LMBRD1: variants seen among roughly 807,000 people sequenced by gnomAD.
LMBRD1 encodes the protein LMBR1 domain containing 1.
In LMBRD1, 64 loss-of-function variants were observed where a neutral mutation model predicts 74.8. That is an observed-to-expected ratio of 0.86 (90% CI 0.70 to 1.05). The LOEUF is 1.05. Ranked by LOEUF, LMBRD1 falls within the 50% of genes least tolerant of loss-of-function variation. LMBRD1 has a pLI of 0.00. For missense variants in LMBRD1, 652 were observed against 645.9 expected (o/e 1.01, Z -0.10); for synonymous variants, 204 against 216.3 (o/e 0.94, Z 0.50).
intron 3 of LMBRD1, among the ~76,000 whole-genome samples, chr6:69,768,555 C>G (rs1479199742): frequency 2.0e-5 from 3 of 151,820 alleles, no homozygotes; most frequent in Non-Finnish European, 4.4e-5. Context: ...AACCCTAAAC[C>G]CAACATTTAC....
chr6:69,717,328 CT>C (rs1366913731), intron 8 of LMBRD1, among the ~76,000 whole-genome samples: 2 of 152,034 alleles, frequency 1.3e-5, no homozygotes, highest in Admixed American at 1.3e-4. Context: ...TAAATTATTT[CT>C]TATCTGACTC....
chr6:69,759,480 A>AC (rs397821581), intron 3 of LMBRD1, among the ~76,000 whole-genome samples: 2 of 151,736 alleles, frequency 1.3e-5, no homozygotes, highest in Non-Finnish European at 2.9e-5. Flanking sequence ...CCAAAAAAAA[A>AC]CCACCAAGAT....
intron 3 of LMBRD1, among the ~76,000 whole-genome samples, chr6:69,755,199 G>A (rs778381857): frequency 1.3e-5 from 2 of 152,138 alleles, no homozygotes; most frequent in Non-Finnish European, 2.9e-5. Flanking sequence ...ATCAATGATA[G>A]ACTGGATAAA....
chr6:69,723,877 T>C (rs982964555), intron 7 of LMBRD1, among the ~76,000 whole-genome samples: 11 of 151,800 alleles, frequency 7.2e-5, no homozygotes. Context: ...AAACAAAAAG[T>C]TGGTTTTTTA....
intron 14 of LMBRD1, among the ~76,000 whole-genome samples, chr6:69,686,126 A>G (rs986486999): frequency 9.2e-5 from 14 of 152,200 alleles, no homozygotes; most frequent in African/African-American, 3.4e-4. Flanking sequence ...AGTATAGTCC[A>G]AAGTCTTTAT....
At position 69,737,651 on chromosome 6, in the gene LMBRD1, A is replaced by G. The variant is rs1370493971; in HGVS notation, c.636+291T>C. On this transcript the variant is annotated intron_variant, in intron 7 of 15. Transcript: ENST00000649934. ...AGGCATATAGATTTATAAGCATATCAGGTATTATAAATCTATTATATAGAT... is the reference window on the plus strand; with the variant it reads ...AGGCATATAGATTTATAAGCATATCGGGTATTATAAATCTATTATATAGAT... Among the ~76,000 whole-genome samples the G allele has an allele frequency of 3.3e-5, 5 of 150,334 alleles. No individual in the cohort carries two copies. The East Asian group carries it at 9.7e-4, about 29-fold the overall frequency.
chr6:69,732,055 T>C (rs963661948), intron 7 of LMBRD1, among the ~76,000 whole-genome samples: 1 of 152,140 alleles, frequency 6.6e-6, no homozygotes, highest in Admixed American at 6.5e-5. Flanking sequence ...CACCTTACAA[T>C]CGGTAGCATA....
At position 69,676,362 on chromosome 6, in the gene LMBRD1, A is replaced by C. The variant is rs921744695; in HGVS notation, c.1509+88T>G. 2.5e-6 allele frequency: 4 copies of C among 1,574,158 alleles called. No individual in the cohort carries two copies. In the African/African-American group the frequency reaches 5.4e-5, roughly 21 times the overall value. ...AAATTCAATGACAGTACTATGATAC[A>C]AATGGCCTAGTAAGATAAAAAGAGT... On this transcript the variant is annotated intron_variant, in intron 15 of 15. Coordinates refer to ENST00000649934, the MANE Select transcript of LMBRD1 (RefSeq NM_018368.4).
Position 69,684,130 on chromosome 6 carries a change from T to C in LMBRD1, c.1418-7589A>G, listed in dbSNP as rs73477432. On this transcript the variant is annotated intron_variant, in intron 14 of 15. Transcript: ENST00000649934. ...ACTTAAAGGAAACTATTAAGAAAAA[T>C]ATTTACTATCTTCAGGTATTAAAGA... 6.9e-3 allele frequency among the ~76,000 whole-genome samples: 1,053 copies of C among 152,028 alleles called. 16 individuals carry two copies. Among genetic ancestry groups the C allele is most frequent in the African/African-American group, 0.021 (882 of 41,504 alleles).
At chr6:69,742,220 G>T (rs2149871698) in intron 5 of LMBRD1, among the ~76,000 whole-genome samples, 1 of 152,104 alleles carries the variant, frequency 6.6e-6, no homozygotes, top group South Asian at 2.1e-4. Flanking sequence ...CACAAAAAAG[G>T]TTAAGGACAT....
intron 6 of LMBRD1, among the ~76,000 whole-genome samples, chr6:69,741,129 C>A (rs887432772): frequency 1.3e-4 from 20 of 152,044 alleles, no homozygotes; most frequent in Non-Finnish European, 2.4e-4. Flanking sequence ...TCTAATATAT[C>A]CAGTACATTT....
intron 7 of LMBRD1, among the ~76,000 whole-genome samples, chr6:69,720,243 C>A (rs1388537218): frequency 6.6e-6 from 1 of 152,070 alleles, no homozygotes; most frequent in African/African-American, 2.4e-5. Flanking sequence ...CTAGTTCTAT[C>A]ATGTAATATC....
chr6:69,676,147 A>T lies in LMBRD1; in HGVS notation c.*11T>A. ...CAGTCAGCATTATAAAACCTTTAAG[A>T]CAGAAGGCTGTCAAGCAGAATAGAC... On this transcript the variant is annotated 3_prime_UTR_variant, in exon 16 of 16. Transcript: ENST00000649934. 6.3e-7 allele frequency: 1 copy of T among 1,596,158 alleles called. No individual in the cohort carries two copies. The highest frequency in any genetic ancestry group is 8.6e-7 in the Non-Finnish European group (1 of 1,164,030).
intron 14 of LMBRD1, 103 bp from the exon 15 acceptor site, chr6:69,676,644 C>A: frequency 2.2e-6 from 2 of 905,584 alleles, no homozygotes; most frequent in Non-Finnish European, 1.8e-6. Context: ...TGACTAAGAT[C>A]ATATGGCTAG....
Position 69,701,897 on chromosome 6 carries a change from G to A in LMBRD1, c.972C>T (p.Phe324=), listed in dbSNP as rs1263478569. ...LVALLFVISL[F]LSNLDKALHS... ...GTGTCTACTGTACTTACTTTGACAA[G>A]AAGAGAGAAATTACAAACAGCAATG... Residue 324 remains phenylalanine (F), a synonymous_variant, in exon 10 of 16, where the codon TTC becomes TTT. Transcript: ENST00000649934. The A allele has an allele frequency of 6.3e-7, 1 of 1,594,498 alleles. No homozygotes were observed. The highest frequency in any genetic ancestry group is 1.7e-5 in the Admixed American group (1 of 59,752).
intron 8 of LMBRD1, among the ~76,000 whole-genome samples, chr6:69,716,431 C>A (rs1369252520): frequency 6.6e-6 from 1 of 152,042 alleles, no homozygotes; most frequent in African/African-American, 2.4e-5. Context: ...TGAGAAGTGT[C>A]TTGAGCACCT....
At chr6:69,703,686 C>A (rs992572136) in intron 9 of LMBRD1, among the ~76,000 whole-genome samples, 1 of 151,874 alleles carries the variant, frequency 6.6e-6, no homozygotes, top group African/African-American at 2.4e-5. Flanking sequence ...ATTGGGTTGA[C>A]CTAAAAGCTA....
At chr6:69,729,245 C>G (rs1766800094) in intron 7 of LMBRD1, among the ~76,000 whole-genome samples, 1 of 148,358 alleles carries the variant, frequency 6.7e-6, no homozygotes. Flanking sequence ...TCATTAACAA[C>G]TGTTAATGCC....
At chr6:69,686,685 C>T (rs1765771127) in intron 14 of LMBRD1, among the ~76,000 whole-genome samples, 1 of 152,136 alleles carries the variant, frequency 6.6e-6, no homozygotes, top group African/African-American at 2.4e-5. Flanking sequence ...TATCCAGATC[C>T]TGACCACTTT....
Sources: gnomAD v4.1 joint callset for allele counts (sites outside exome capture counted in the v4.1 genomes callset) on GRCh38, gnomAD v4.1.1 for gene constraint, MANE v1.5 for transcripts, NCBI Gene and HGNC (gene_info 2026-07-23, HGNC 2026-07-21) for gene names.